Variants in CAMK4 observed in about 807,000 individuals in gnomAD.
The protein encoded by CAMK4 is calcium/calmodulin dependent protein kinase IV, also known as calcium/calmodulin-dependent protein kinase type IV.
CAMK4 carries 22 observed loss-of-function variants against 44.9 expected under a neutral mutation model. The observed-to-expected ratio is 0.49, with a 90% CI of 0.35 to 0.70. The LOEUF (loss-of-function observed/expected upper bound fraction) is 0.70. Ranked by LOEUF, CAMK4 falls within the 30% of genes least tolerant of loss-of-function variation. The pLI is 0.01. For missense variants in CAMK4, 498 were observed against 586.8 expected (o/e 0.85, Z 1.56); for synonymous variants, 218 against 215.4 (o/e 1.01, Z -0.11).
At chr5:111,467,921 C>T (rs1378805372) in intron 7 of CAMK4, among the ~76,000 whole-genome samples, 2 of 126,104 alleles carry the variant, frequency 1.6e-5, no homozygotes, top group Non-Finnish European at 3.3e-5. Flanking sequence ...TCAGTGAGTT[C>T]GTAAAGAAAT....
At chr5:111,466,319 T>C (rs1754825398) in intron 7 of CAMK4, among the ~76,000 whole-genome samples, 1 of 152,168 alleles carries the variant, frequency 6.6e-6, no homozygotes, top group African/African-American at 2.4e-5. Flanking sequence ...TCACAACTTC[T>C]ATTCATCATA....
chr5:111,364,721 T>C (rs306072), intron 2 of CAMK4, among the ~76,000 whole-genome samples: 132,680 of 151,984 alleles, frequency 0.87, 58,213 homozygotes, highest in East Asian at 1. Context: ...TTCTTTTTTC[T>C]TTTTGTTCTT....
chr5:111,413,437 G>T (rs1464737002), intron 5 of CAMK4, among the ~76,000 whole-genome samples: 1 of 151,968 alleles, frequency 6.6e-6, no homozygotes, highest in East Asian at 1.9e-4. Flanking sequence ...AATAGCCAGG[G>T]ATGGTGATGT....
At position 111,486,987 on chromosome 5, in the gene CAMK4, C is replaced by A. The variant is rs1755655381; in HGVS notation, c.*2521C>A. On this transcript the variant is annotated 3_prime_UTR_variant, in exon 11 of 11. Coordinates refer to ENST00000282356, the MANE Select transcript of CAMK4 (RefSeq NM_001744.6). ...AAACTTTCAAAAATGTTGGTCATTTCAGTCAAATTATTCAAAGATTTCATA... is the reference window on the plus strand; with the variant it reads ...AAACTTTCAAAAATGTTGGTCATTTAAGTCAAATTATTCAAAGATTTCATA... 1 of 152,148 alleles carries A rather than the reference C, an allele frequency of 6.6e-6. No individual in the cohort carries two copies. The highest frequency in any genetic ancestry group is 1.5e-5 in the Non-Finnish European group (1 of 68,024). The allele number at this position is 152,148 out of a possible 1,614,324, so 9.4% of individuals were successfully genotyped here.
At chr5:111,293,211 C>T (rs1190590891) in intron 1 of CAMK4, among the ~76,000 whole-genome samples, 5 of 152,092 alleles carry the variant, frequency 3.3e-5, no homozygotes, top group Admixed American at 1.3e-4. Flanking sequence ...AGAAATGGCA[C>T]GTGTCATACA....
chr5:111,445,455 G>T (rs1302851058), intron 5 of CAMK4, among the ~76,000 whole-genome samples: 2 of 151,976 alleles, frequency 1.3e-5, no homozygotes, highest in East Asian at 3.9e-4. Flanking sequence ...TTGAGACAGG[G>T]TCTTGCTCTA....
At chr5:111,451,293 G>T (rs1754226952) in intron 7 of CAMK4, among the ~76,000 whole-genome samples, 1 of 151,820 alleles carries the variant, frequency 6.6e-6, no homozygotes, top group Non-Finnish European at 1.5e-5. Flanking sequence ...TTTATTCATA[G>T]AAGTATTTAT....
At chr5:111,316,195 C>A (rs1748415278) in intron 1 of CAMK4, among the ~76,000 whole-genome samples, 1 of 152,142 alleles carries the variant, frequency 6.6e-6, no homozygotes, top group South Asian at 2.1e-4. Flanking sequence ...TCTCCAGCCT[C>A]CCTTGGCCAT....
At chr5:111,419,625 G>T in intron 5 of CAMK4, among the ~76,000 whole-genome samples, 1 of 152,240 alleles carries the variant, frequency 6.6e-6, no homozygotes, top group East Asian at 1.9e-4. Flanking sequence ...TTTGTATAAG[G>T]TGTAAGGAAG....
intron 7 of CAMK4, among the ~76,000 whole-genome samples, chr5:111,467,126 C>A (rs992030418): frequency 5.3e-5 from 8 of 152,034 alleles, no homozygotes; most frequent in African/African-American, 1.9e-4. Context: ...GGATAATTGG[C>A]AAGCCACATG....
chr5:111,267,678 TG>T (rs1159477227), intron 1 of CAMK4, among the ~76,000 whole-genome samples: 1 of 118,610 alleles, frequency 8.4e-6, no homozygotes, highest in Non-Finnish European at 1.6e-5. Flanking sequence ...CACTCCCGCC[TG>T]GGCGACAGAA....
intron 1 of CAMK4, among the ~76,000 whole-genome samples, chr5:111,328,609 C>T (rs1037396350): frequency 2.0e-5 from 3 of 151,952 alleles, no homozygotes; most frequent in Non-Finnish European, 4.4e-5. Flanking sequence ...GGCAGTATGG[C>T]CATTTTCACG....
At chr5:111,331,505 T>C (rs946145315) in intron 1 of CAMK4, among the ~76,000 whole-genome samples, 5 of 151,820 alleles carry the variant, frequency 3.3e-5, no homozygotes, top group Non-Finnish European at 7.4e-5. Flanking sequence ...TACAACCACA[T>C]TGAAAAACTA....
intron 1 of CAMK4, among the ~76,000 whole-genome samples, chr5:111,341,848 G>A (rs1749658897): frequency 6.6e-6 from 1 of 151,342 alleles, no homozygotes; most frequent in Admixed American, 6.6e-5. Context: ...TGTTGGAGCT[G>A]CCTTCTTAAT....
intron 1 of CAMK4, among the ~76,000 whole-genome samples, chr5:111,295,347 C>G (rs1393589784): frequency 6.6e-6 from 1 of 152,214 alleles, no homozygotes; most frequent in Non-Finnish European, 1.5e-5. Flanking sequence ...CAGCACCATG[C>G]TCACTTCCCA....
At chr5:111,292,560 T>A (rs947675535) in intron 1 of CAMK4, among the ~76,000 whole-genome samples, 1 of 152,150 alleles carries the variant, frequency 6.6e-6, no homozygotes, top group African/African-American at 2.4e-5. Flanking sequence ...TTTCTCTGTT[T>A]AATAGCATAG....
intron 1 of CAMK4, among the ~76,000 whole-genome samples, chr5:111,240,529 C>T (rs1357947786): frequency 6.6e-6 from 1 of 152,166 alleles, no homozygotes; most frequent in Non-Finnish European, 1.5e-5. Flanking sequence ...TTTTAATTGT[C>T]CTACCCTCTC....
chr5:111,407,339 A>G (rs1428775097), intron 5 of CAMK4, among the ~76,000 whole-genome samples: 1 of 131,056 alleles, frequency 7.6e-6, no homozygotes, highest in Non-Finnish European at 1.6e-5. Context: ...TGACAGAGAG[A>G]GACTCCTTAA....
At chr5:111,237,281 G>T (rs1481406816) in intron 1 of CAMK4, among the ~76,000 whole-genome samples, 1 of 152,194 alleles carries the variant, frequency 6.6e-6, no homozygotes, top group African/African-American at 2.4e-5. Flanking sequence ...TAAGTGATCA[G>T]GGATACTGTC....
Sources: gnomAD v4.1 joint callset for allele counts (sites outside exome capture counted in the v4.1 genomes callset) on GRCh38, gnomAD v4.1.1 for gene constraint, MANE v1.5 for transcripts, NCBI Gene and HGNC (gene_info 2026-07-23, HGNC 2026-07-21) for gene names.